Variants in GRIK4 observed in about 807,000 individuals in gnomAD.
GRIK4 encodes glutamate receptor ionotropic, kainate 4.
In GRIK4, 40 loss-of-function variants were observed where a neutral mutation model predicts 104.9. The ratio of observed to expected loss-of-function variants is 0.38; its 90% CI spans 0.30 to 0.50. The LOEUF is 0.50. GRIK4 is among the 20% of genes least tolerant of loss of function. The pLI, the probability that GRIK4 is intolerant of heterozygous loss-of-function variation, is 0.93. For synonymous variants in GRIK4, 485 were observed against 524.9 expected (o/e 0.92, Z 1.04); for missense variants, 1,047 against 1,308.1 (o/e 0.80, Z 3.08).
At chr11:120,910,629 C>A (rs1354097927) in intron 13 of GRIK4, among the ~76,000 whole-genome samples, 1 of 152,192 alleles carries the variant, frequency 6.6e-6, no homozygotes, top group Non-Finnish European at 1.5e-5. Context: ...AGGACTAATC[C>A]CAGGGGCCCT....
chr11:120,864,365 G>C (rs1010711478), intron 9 of GRIK4, among the ~76,000 whole-genome samples: 2 of 151,598 alleles, frequency 1.3e-5, no homozygotes, highest in Non-Finnish European at 2.9e-5. Context: ...CTCAGCCTCC[G>C]GAGTAGCTGG....
chr11:120,771,301 G>T (rs1346743855), intron 3 of GRIK4, among the ~76,000 whole-genome samples: 1 of 152,186 alleles, frequency 6.6e-6, no homozygotes, highest in Non-Finnish European at 1.5e-5. Flanking sequence ...ATATGTTATT[G>T]GACAATGGAG....
intron 8 of GRIK4, among the ~76,000 whole-genome samples, chr11:120,857,888 A>T (rs998817106): frequency 2.6e-5 from 4 of 152,254 alleles, no homozygotes; most frequent in African/African-American, 9.6e-5. Context: ...ATGTGTGAAC[A>T]AACAATGCAA....
At position 120,917,115 on chromosome 11, in the gene GRIK4, C is replaced by T. The variant is rs368385979; in HGVS notation, c.1476+11622C>T. Among the ~76,000 whole-genome samples the T allele has an allele frequency of 4.0e-5, 6 of 151,838 alleles. No homozygotes were observed. In the South Asian group the frequency reaches 8.3e-4, roughly 21 times the overall value. On this transcript the variant is annotated intron_variant, in intron 13 of 20. Transcript: ENST00000527524. ...TACAAAAATTAGCTGGGCATGGTGG[C>T]GCATGCCTCTAATCCCAGCTACTCA...
intron 3 of GRIK4, among the ~76,000 whole-genome samples, chr11:120,686,744 A>C (rs1486211802): frequency 6.6e-6 from 1 of 152,228 alleles, no homozygotes; most frequent in Non-Finnish European, 1.5e-5. Context: ...ATTATGTTTT[A>C]TCGGCATACA....
rs374722510 is a variant in GRIK4 at position 120,534,224 on chromosome 11, C to T, written c.-159+22337C>T. Among the ~76,000 whole-genome samples the T allele has an allele frequency of 4.6e-5, 7 of 152,192 alleles. No individual in the cohort carries two copies. The East Asian group carries it at 7.7e-4, about 17-fold the overall frequency. On this transcript the variant is annotated intron_variant, in intron 1 of 20. Transcript: ENST00000527524. ...TTACGTGAGGCTCAGATTCTTCATT[C>T]GGGGCAGTTTGGAGTCAATTACCAA...
intron 3 of GRIK4, among the ~76,000 whole-genome samples, chr11:120,764,262 C>G (rs1951795672): frequency 6.6e-6 from 1 of 151,506 alleles, no homozygotes; most frequent in South Asian, 2.1e-4. Context: ...ACTAGGATTG[C>G]AACCCTGCTG....
At chr11:120,681,538 TC>T (rs1376303769) in intron 3 of GRIK4, among the ~76,000 whole-genome samples, 1 of 152,202 alleles carries the variant, frequency 6.6e-6, no homozygotes, top group East Asian at 1.9e-4. Context: ...GTCTAGATTA[TC>T]CCCTGGTTAA....
chr11:120,579,571 A>C (rs10892587), intron 1 of GRIK4, among the ~76,000 whole-genome samples: 115,505 of 152,016 alleles, frequency 0.76, 44,145 homozygotes, highest in Admixed American at 0.83. Context: ...GAGTGACAGT[A>C]TGATTTATAT....
intron 13 of GRIK4, among the ~76,000 whole-genome samples, chr11:120,907,883 G>A (rs7122076): frequency 6.6e-6 from 1 of 152,074 alleles, no homozygotes; most frequent in Non-Finnish European, 1.5e-5. Flanking sequence ...GTGCCACTGG[G>A]GTTGGTCCTG....
intron 3 of GRIK4, among the ~76,000 whole-genome samples, chr11:120,738,560 T>G (rs1402838752): frequency 1.3e-5 from 2 of 152,092 alleles, no homozygotes; most frequent in Non-Finnish European, 2.9e-5. Flanking sequence ...ACCCACCCTG[T>G]CTCATGCGCT....
intron 3 of GRIK4, among the ~76,000 whole-genome samples, chr11:120,749,817 G>A (rs1281210939): frequency 1.3e-5 from 2 of 152,076 alleles, no homozygotes; most frequent in Non-Finnish European, 2.9e-5. Context: ...GTGGGCGGGG[G>A]GAAGTTTCAG....
chr11:120,674,486 G>A (rs1447650640), intron 3 of GRIK4, among the ~76,000 whole-genome samples: 1 of 152,214 alleles, frequency 6.6e-6, no homozygotes, highest in Non-Finnish European at 1.5e-5. Flanking sequence ...TGAAACCACT[G>A]CAGCAGGTTG....
intron 1 of GRIK4, among the ~76,000 whole-genome samples, chr11:120,593,034 A>C (rs1338351315): frequency 6.6e-6 from 1 of 151,988 alleles, no homozygotes; most frequent in Non-Finnish European, 1.5e-5. Context: ...AATACAAAAA[A>C]TCAGCTGGGC....
intron 5 of GRIK4, among the ~76,000 whole-genome samples, chr11:120,816,125 G>A (rs1409206838): frequency 1.3e-5 from 2 of 152,052 alleles, no homozygotes; most frequent in Non-Finnish European, 2.9e-5. Context: ...GAAAAAAAAT[G>A]GTAGGGCACA....
chr11:120,546,842 G>A (rs1269293739), intron 1 of GRIK4, among the ~76,000 whole-genome samples: 3 of 152,212 alleles, frequency 2.0e-5, no homozygotes, highest in African/African-American at 7.2e-5. Flanking sequence ...CCAGAACTGG[G>A]CATGAAATGG....
intron 11 of GRIK4, among the ~76,000 whole-genome samples, chr11:120,883,287 A>G (rs1337801680): frequency 6.6e-6 from 1 of 152,196 alleles, no homozygotes; most frequent in Admixed American, 6.5e-5. Context: ...TTTTGTCATG[A>G]GAGTTCTCTA....
At chr11:120,932,514 T>A (rs959323043) in intron 13 of GRIK4, among the ~76,000 whole-genome samples, 1 of 152,132 alleles carries the variant, frequency 6.6e-6, no homozygotes, top group African/African-American at 2.4e-5. Flanking sequence ...GCTTCCTATC[T>A]GTGTGTTTAC....
At chr11:120,799,927 A>G (rs557848875) in intron 3 of GRIK4, among the ~76,000 whole-genome samples, 3 of 151,900 alleles carry the variant, frequency 2.0e-5, no homozygotes, top group Non-Finnish European at 4.4e-5. Flanking sequence ...GGCTCACTGC[A>G]ACCTCCACCT....
Sources: allele counts gnomAD v4.1 joint callset (sites outside exome capture counted in the v4.1 genomes callset), GRCh38; gene constraint gnomAD v4.1.1; transcripts MANE v1.5; gene names NCBI Gene and HGNC (gene_info 2026-07-23, HGNC 2026-07-21).